The following LRRIQ3 variants were observed in gnomAD, a reference collection of about 807,000 sequenced individuals.
The protein encoded by LRRIQ3 is leucine-rich repeat and IQ domain-containing protein 3.
LRRIQ3 carries 75 observed loss-of-function variants against 59.3 expected under a neutral mutation model. That is an observed-to-expected ratio of 1.26 (90% CI 1.05 to 1.53). The LOEUF is 1.53. Ranked by LOEUF, LRRIQ3 falls within the 40% of genes most tolerant of loss-of-function variation. The pLI is 0.00. For missense variants in LRRIQ3, 831 were observed against 710.0 expected (o/e 1.17, Z -1.94); for synonymous variants, 250 against 231.3 (o/e 1.08, Z -0.73).
intron 4 of LRRIQ3, among the ~76,000 whole-genome samples, chr1:74,124,092 GATTT>G (rs1262959186): frequency 6.6e-6 from 1 of 151,794 alleles, no homozygotes; most frequent in Non-Finnish European, 1.5e-5. Flanking sequence ...ATGTAGCTTT[GATTT>G]ATGTTTTTCT....
intron 4 of LRRIQ3, among the ~76,000 whole-genome samples, chr1:74,114,473 A>G (rs537859493): frequency 5.8e-4 from 89 of 152,258 alleles, no homozygotes; most frequent in African/African-American, 2.1e-3. Context: ...CACCAAGATC[A>G]TGCCTGTAAT....
chr1:74,056,113 C>T (rs1338063201), intron 6 of LRRIQ3, among the ~76,000 whole-genome samples: 1 of 151,036 alleles, frequency 6.6e-6, no homozygotes, highest in Non-Finnish European at 1.5e-5. Flanking sequence ...CCACTGCACT[C>T]CAGTCTCGGT....
At chr1:74,179,833 G>A (rs1649871356) in intron 3 of LRRIQ3, 1 of 151,774 alleles carries the variant, frequency 6.6e-6, no homozygotes, top group African/African-American at 2.4e-5. Context: ...TACTCCATTT[G>A]TGTTACCGTC....
intron 3 of LRRIQ3, among the ~76,000 whole-genome samples, chr1:74,157,200 C>T (rs138163385): frequency 4.6e-5 from 7 of 152,148 alleles, no homozygotes; most frequent in East Asian, 1.9e-4. Context: ...TTCCTAAACA[C>T]TCTGCTTCTT....
At chr1:74,068,715 C>G (rs1183165178) in intron 6 of LRRIQ3, among the ~76,000 whole-genome samples, 2 of 151,788 alleles carry the variant, frequency 1.3e-5, no homozygotes, top group Non-Finnish European at 2.9e-5. Flanking sequence ...GCAAAGATTT[C>G]TAGTCTTATA....
Position 74,159,020 on chromosome 1 carries a change from A to T in LRRIQ3, c.574-3154T>A, listed in dbSNP as rs1648508546. On this transcript the variant is annotated intron_variant, in intron 3 of 7. Coordinates refer to ENST00000354431, the MANE Select transcript of LRRIQ3 (RefSeq NM_001105659.2). ...GAATAGGTTTTTCTCAGGGTAAAAC[A>T]GTCTGTGCTCTAAGGTCAGACCATA... Among the ~76,000 whole-genome samples, 8 of 152,142 alleles carry T rather than the reference A, an allele frequency of 5.3e-5. No homozygotes were observed. In the South Asian group the frequency reaches 1.7e-3, roughly 32 times the overall value.
chr1:74,168,449 T>G (rs1649126779), intron 3 of LRRIQ3, among the ~76,000 whole-genome samples: 3 of 152,122 alleles, frequency 2.0e-5, no homozygotes. Flanking sequence ...TTTCCATCAT[T>G]TTATTTTCAA....
chr1:74,041,006 C>T (rs1199913334), intron 7 of LRRIQ3, among the ~76,000 whole-genome samples: 3 of 151,948 alleles, frequency 2.0e-5, no homozygotes, highest in Non-Finnish European at 2.9e-5. Context: ...TTTTGTTGCA[C>T]AGGTGGAGAG....
chr1:74,176,905 G>A (rs1305516228), intron 3 of LRRIQ3, among the ~76,000 whole-genome samples: 1 of 152,010 alleles, frequency 6.6e-6, no homozygotes, highest in East Asian at 1.9e-4. Flanking sequence ...CAGGGTGTTG[G>A]GTTGCTTCAC....
intron 6 of LRRIQ3, among the ~76,000 whole-genome samples, chr1:74,050,358 AG>A (rs1654336323): frequency 6.6e-6 from 1 of 152,212 alleles, no homozygotes; most frequent in African/African-American, 2.4e-5. Flanking sequence ...ATTAAAGAAA[AG>A]CTTGCTAAAA....
intron 5 of LRRIQ3, among the ~76,000 whole-genome samples, chr1:74,085,918 C>T (rs911820311): frequency 5.3e-5 from 8 of 152,140 alleles, no homozygotes; most frequent in African/African-American, 1.9e-4. Flanking sequence ...TGGAATCTCT[C>T]ACAATATGCA....
At chr1:74,151,263 A>C (rs1570217042) in intron 4 of LRRIQ3, among the ~76,000 whole-genome samples, 1 of 151,826 alleles carries the variant, frequency 6.6e-6, no homozygotes, top group Non-Finnish European at 1.5e-5. Flanking sequence ...TGATCTGCCC[A>C]CCTCAGCCTG....
intron 6 of LRRIQ3, among the ~76,000 whole-genome samples, chr1:74,058,625 GA>G (rs1654609950): frequency 6.6e-6 from 1 of 151,974 alleles, no homozygotes; most frequent in Non-Finnish European, 1.5e-5. Flanking sequence ...TAGATAGGAG[GA>G]ATAGGTAAGT....
In LRRIQ3 at chr1:74,183,615, T is replaced by G; in HGVS notation, c.70A>C (p.Arg24=). Residue 24 remains arginine (R), a synonymous_variant, in exon 2 of 8, where the codon AGA becomes CGA. Coordinates refer to ENST00000354431, the MANE Select transcript of LRRIQ3 (RefSeq NM_001105659.2). ...AAAACAAAATCTTTTTGACCTTCTC[T>G]TATGTTTTCATTATAGTGACTCCAT... ...EEWSHYNENI[R]EGQKDFVFVK... is the part of the protein sequence containing the mutation. The G allele has an allele frequency of 6.2e-7, 1 of 1,612,164 alleles. No individual in the cohort carries two copies.
chr1:74,169,762 T>C (rs527676078), intron 3 of LRRIQ3, among the ~76,000 whole-genome samples: 1 of 152,066 alleles, frequency 6.6e-6, no homozygotes, highest in African/African-American at 2.4e-5. Context: ...GTTGTCCAGG[T>C]TAGTCTTGAA....
chr1:74,190,304 G>A (rs554197398), intron 1 of LRRIQ3, among the ~76,000 whole-genome samples: 1 of 152,206 alleles, frequency 6.6e-6, no homozygotes, highest in South Asian at 2.1e-4. Flanking sequence ...TGTAGGTAGA[G>A]AGATAGATAT....
chr1:74,172,489 A>G (rs1174542878), intron 3 of LRRIQ3, among the ~76,000 whole-genome samples: 2 of 152,142 alleles, frequency 1.3e-5, no homozygotes, highest in African/African-American at 4.8e-5. Context: ...CTTAATACTT[A>G]TATGTGACTA....
At position 74,085,351 on chromosome 1, in the gene LRRIQ3, C is replaced by T. The variant is rs566231100; in HGVS notation, c.868-10561G>A. Among the ~76,000 whole-genome samples the T allele has an allele frequency of 4.2e-3, 625 of 148,896 alleles. 7 individuals carry two copies. Among genetic ancestry groups the T allele is most frequent in the Admixed American group, 0.024 (357 of 14,928 alleles). ...AAAAAAAAAAAAAAATAAAACACAA[C>T]CTGCCATAAAATGGCTAATATTTTT... On this transcript the variant is annotated intron_variant, in intron 5 of 7. Transcript: ENST00000354431.
intron 4 of LRRIQ3, among the ~76,000 whole-genome samples, chr1:74,119,546 C>T (rs938747757): frequency 2.6e-5 from 4 of 152,220 alleles, no homozygotes; most frequent in Admixed American, 2.0e-4. Flanking sequence ...AAATATACAA[C>T]TTAATTGTCT....
Sources: allele counts gnomAD v4.1 joint callset (sites outside exome capture counted in the v4.1 genomes callset), GRCh38; gene constraint gnomAD v4.1.1; transcripts MANE v1.5; gene names NCBI Gene and HGNC (gene_info 2026-07-23, HGNC 2026-07-21).